The following AKT3 variants were observed in gnomAD, a reference collection of about 807,000 sequenced individuals.
AKT3 encodes RAC-gamma serine/threonine-protein kinase.
A neutral mutation model predicts 65.3 loss-of-function variants in AKT3; 15 were observed. The ratio of observed to expected loss-of-function variants is 0.23; its 90% CI spans 0.15 to 0.35. The LOEUF is 0.35. Ranked by LOEUF, AKT3 falls within the 10% of genes least tolerant of loss-of-function variation. The pLI, the probability that AKT3 is intolerant of heterozygous loss-of-function variation, is 1.00. For synonymous variants in AKT3, 206 were observed against 183.8 expected (o/e 1.12, Z -0.98); for missense variants, 243 against 576.5 (o/e 0.42, Z 5.92).
intron 8 of AKT3, among the ~76,000 whole-genome samples, chr1:243,575,208 T>G (rs1674852822): frequency 6.6e-6 from 1 of 152,170 alleles, no homozygotes; most frequent in Non-Finnish European, 1.5e-5. Flanking sequence ...GAAACACATT[T>G]CTGGGCTTTG....
chr1:243,620,510 T>C (rs1678658293), intron 6 of AKT3, among the ~76,000 whole-genome samples: 1 of 43,984 alleles, frequency 2.3e-5, no homozygotes, highest in Non-Finnish European at 1.3e-4. Flanking sequence ...AAGCCATATG[T>C]TAGCAATGTA....
intron 2 of AKT3, among the ~76,000 whole-genome samples, chr1:243,835,973 C>A (rs2148460729): frequency 6.6e-6 from 1 of 151,534 alleles, no homozygotes; most frequent in Middle Eastern, 3.4e-3. Flanking sequence ...TAAATCCTAA[C>A]AAAGGCAAAA....
chr1:243,773,869 A>G (rs1332892786), intron 2 of AKT3, among the ~76,000 whole-genome samples: 4 of 152,210 alleles, frequency 2.6e-5, no homozygotes, highest in African/African-American at 9.6e-5. Context: ...TTACCATAAG[A>G]AAATTCTGTT....
intron 3 of AKT3, among the ~76,000 whole-genome samples, chr1:243,670,832 G>C (rs1683107535): frequency 6.6e-6 from 1 of 152,046 alleles, no homozygotes. Context: ...ACACCATTCT[G>C]AGCCACAGAT....
chr1:243,815,137 G>T (rs548900526), intron 2 of AKT3, among the ~76,000 whole-genome samples: 23 of 152,160 alleles, frequency 1.5e-4, no homozygotes, highest in African/African-American at 5.3e-4. Context: ...ATACGAAGAG[G>T]CTGGGAATTT....
At chr1:243,563,335 C>T (rs1159896410) in intron 10 of AKT3, among the ~76,000 whole-genome samples, 1 of 152,050 alleles carries the variant, frequency 6.6e-6, no homozygotes, top group Non-Finnish European at 1.5e-5. Context: ...ACCCACAATA[C>T]TATAAATTAA....
intron 2 of AKT3, among the ~76,000 whole-genome samples, chr1:243,742,186 C>T (rs952600349): frequency 2.0e-5 from 3 of 152,098 alleles, no homozygotes; most frequent in Non-Finnish European, 4.4e-5. Flanking sequence ...AACCAATCCC[C>T]TGTGGATACC....
intron 12 of AKT3, among the ~76,000 whole-genome samples, chr1:243,543,040 C>G (rs1473413232): frequency 6.6e-6 from 1 of 151,830 alleles, no homozygotes; most frequent in Non-Finnish European, 1.5e-5. Context: ...TTAAGTGGCA[C>G]CCATTAAAAA....
At chr1:243,676,537 A>T (rs926470383) in intron 3 of AKT3, among the ~76,000 whole-genome samples, 8 of 152,148 alleles carry the variant, frequency 5.3e-5, no homozygotes, top group African/African-American at 1.9e-4. Context: ...TGGCAAAACT[A>T]GCATCTCCTT....
At chr1:243,495,291 C>T (rs543153486), downstream of AKT3, among the ~76,000 whole-genome samples, 58 of 152,334 alleles carry the variant, frequency 3.8e-4, no homozygotes, top group Admixed American at 1.5e-3. Flanking sequence ...TGCTGTCTTA[C>T]GGAACGTCCC....
At chr1:243,766,258 A>G (rs1689811927) in intron 2 of AKT3, among the ~76,000 whole-genome samples, 1 of 152,190 alleles carries the variant, frequency 6.6e-6, no homozygotes, top group South Asian at 2.1e-4. Context: ...ATCCATTCAT[A>G]TTCAATAAAC....
At chr1:243,721,912 A>G (rs1169917823) in intron 2 of AKT3, among the ~76,000 whole-genome samples, 1 of 152,190 alleles carries the variant, frequency 6.6e-6, no homozygotes, top group Admixed American at 6.5e-5. Context: ...TAACCTAGGT[A>G]TTATAATTTT....
intron 2 of AKT3, among the ~76,000 whole-genome samples, chr1:243,837,417 T>G (rs1177293598): frequency 6.6e-6 from 1 of 152,182 alleles, no homozygotes; most frequent in African/African-American, 2.4e-5. Flanking sequence ...ATCCACCTTA[T>G]GAGAAACAAG....
intron 1 of AKT3, among the ~76,000 whole-genome samples, chr1:243,847,969 A>G (rs1695589167): frequency 6.6e-6 from 1 of 152,196 alleles, no homozygotes; most frequent in Admixed American, 6.5e-5. Context: ...TGGAAAGAAA[A>G]CCAAATGAAT....
intron 13 of AKT3, among the ~76,000 whole-genome samples, chr1:243,510,140 G>T (rs1237790308): frequency 6.6e-6 from 1 of 152,212 alleles, no homozygotes; most frequent in Admixed American, 6.5e-5. Context: ...CAGAGGCTGA[G>T]ACTGAGGAAA....
chr1:243,563,991 ACT>A (rs959132647), intron 9 of AKT3, 143 bp from the exon 10 acceptor site: 1 of 610,822 alleles, frequency 1.6e-6, no homozygotes, highest in Non-Finnish European at 2.6e-6. Flanking sequence ...GTACTTACAA[ACT>A]CTGTTGCTTC....
intron 2 of AKT3, among the ~76,000 whole-genome samples, chr1:243,768,120 T>C (rs936921357): frequency 6.6e-6 from 1 of 150,852 alleles, no homozygotes; most frequent in African/African-American, 2.4e-5. Flanking sequence ...AAAAAATAAA[T>C]GCCCTGTTTT....
At chr1:243,753,930 A>T (rs1688966482) in intron 2 of AKT3, among the ~76,000 whole-genome samples, 1 of 152,214 alleles carries the variant, frequency 6.6e-6, no homozygotes, top group South Asian at 2.1e-4. Flanking sequence ...AATGTGACAT[A>T]GGTTAGCGCT....
At chr1:243,637,964 A>G (rs1274225757) in intron 5 of AKT3, among the ~76,000 whole-genome samples, 2 of 152,138 alleles carry the variant, frequency 1.3e-5, no homozygotes, top group Admixed American at 6.6e-5. Flanking sequence ...ATGATTTTGA[A>G]CCTAGAATTC....
Sources: allele counts gnomAD v4.1 joint callset (sites outside exome capture counted in the v4.1 genomes callset), GRCh38; gene constraint gnomAD v4.1.1; transcripts MANE v1.5; gene names NCBI Gene and HGNC (gene_info 2026-07-23, HGNC 2026-07-21).